Variants in LRRIQ1 observed in about 807,000 individuals in gnomAD.
LRRIQ1 encodes leucine-rich repeat- and IQ domain-containing protein 1.
A neutral mutation model predicts 211.9 loss-of-function variants in LRRIQ1; 210 were observed. That is an observed-to-expected ratio of 0.99 (90% CI 0.89 to 1.11). LRRIQ1 has a LOEUF of 1.11. Among genes scored for constraint, LRRIQ1 ranks in the 50% most tolerant of loss-of-function variants. The pLI is 0.00. For synonymous variants in LRRIQ1, 699 were observed against 650.1 expected, an observed-to-expected ratio of 1.08 and a Z score of -1.14; for missense variants, 2,136 against 1,939.5, an observed-to-expected ratio of 1.10 and a Z score of -1.90.
chr12:85,258,279 T>C (rs773826315), intron 1 of LRRIQ1, among the ~76,000 whole-genome samples: 23 of 151,856 alleles, frequency 1.5e-4, no homozygotes, highest in Non-Finnish European at 2.7e-4. Flanking sequence ...TAAGTGATTT[T>C]CGTATTTATA....
chr12:85,262,076 C>G (rs1169804294), intron 1 of LRRIQ1, among the ~76,000 whole-genome samples: 1 of 152,330 alleles, frequency 6.6e-6, no homozygotes, highest in Middle Eastern at 3.4e-3. Context: ...GCGTAAGCCA[C>G]TGCGCCAGGC....
At chr12:85,198,900 G>A (rs193276972) in intron 24 of LRRIQ1, among the ~76,000 whole-genome samples, 3 of 152,188 alleles carry the variant, frequency 2.0e-5, no homozygotes, top group East Asian at 1.9e-4. Context: ...TTTGTTGGCC[G>A]AATGTATGTC....
At chr12:85,180,201 T>A (rs1007127873) in intron 24 of LRRIQ1, among the ~76,000 whole-genome samples, 3 of 151,968 alleles carry the variant, frequency 2.0e-5, no homozygotes, top group African/African-American at 7.2e-5. Flanking sequence ...CATTTCCTAC[T>A]GAAGTTCAAC....
intron 10 of LRRIQ1, among the ~76,000 whole-genome samples, chr12:85,069,704 T>G (rs996850203): frequency 6.6e-6 from 1 of 152,166 alleles, no homozygotes; most frequent in African/African-American, 2.4e-5. Flanking sequence ...ATGATGAACA[T>G]TTTTTCATGT....
chr12:85,111,968 ACT>A (rs67500865), intron 15 of LRRIQ1, among the ~76,000 whole-genome samples: 227 of 149,672 alleles, frequency 1.5e-3, no homozygotes, highest in African/African-American at 3.5e-3. Context: ...ACACACACAC[ACT>A]CTCTCTCTCA....
At chr12:85,241,193 T>C (rs1895442355) in intron 26 of LRRIQ1, among the ~76,000 whole-genome samples, 1 of 151,978 alleles carries the variant, frequency 6.6e-6, no homozygotes, top group Admixed American at 6.6e-5. Flanking sequence ...AGGGAACTCA[T>C]TGCTATATTT....
In LRRIQ1 at chr12:85,056,038, T is replaced by A; in HGVS notation, c.1245T>A (p.Ile415=). 1.9e-6 allele frequency: 3 copies of A among 1,600,546 alleles called. No individual in the cohort carries two copies. The highest frequency in any genetic ancestry group is 2.3e-5 in the South Asian group (2 of 87,374). The change falls in exon 8 of 27, where the codon ATT becomes ATA. Residue 415 remains isoleucine, a synonymous_variant. Transcript: ENST00000393217. Reference sequence around the variant, plus strand: ...ACAAACATTTAAGTCTTGAAGATATTTCAAATGATAAGGGTGATATAGCCA... The same window carrying A: ...ACAAACATTTAAGTCTTGAAGATATATCAAATGATAAGGGTGATATAGCCA... ...YNNKHLSLED[I]SNDKGDIAKN...
Position 85,153,046 on chromosome 12 carries a change from A to T in LRRIQ1, c.4442A>T (p.Asp1481Val). ...AAGATTCCTGGAAACTTAAAATGGG[A>T]TGATACTTCATTTAATTTACCAAGT... ...WPKIPGNLKW[D>V]DTSFNLPSNP... The change falls in exon 21 of 27, where the codon GAT (aspartate) becomes GTT (valine). Residue 1481 changes from aspartate to valine, a missense_variant. Coordinates refer to ENST00000393217, the MANE Select transcript of LRRIQ1 (RefSeq NM_001079910.2). 1.3e-6 allele frequency: 2 copies of T among 1,568,048 alleles called. No homozygotes were observed. The highest frequency in any genetic ancestry group is 1.2e-5 in the South Asian group (1 of 84,496).
intron 24 of LRRIQ1, among the ~76,000 whole-genome samples, chr12:85,200,341 T>C (rs562252011): frequency 6.6e-6 from 1 of 152,280 alleles, no homozygotes; most frequent in South Asian, 2.1e-4. Flanking sequence ...TTTGCTGAAG[T>C]TGTTTATCAG....
At chr12:85,037,940 G>A (rs1382990248) in intron 1 of LRRIQ1, among the ~76,000 whole-genome samples, 1 of 151,626 alleles carries the variant, frequency 6.6e-6, no homozygotes, top group Admixed American at 6.6e-5. Flanking sequence ...AAATCAATAA[G>A]AGTATTAGCG....
chr12:85,095,315 T>TA (rs1184895668), intron 11 of LRRIQ1, among the ~76,000 whole-genome samples: 2 of 152,192 alleles, frequency 1.3e-5, no homozygotes, highest in East Asian at 3.9e-4. Flanking sequence ...TGAGAGTTTT[T>TA]ATCATTAACG....
chr12:85,060,248 G>A (rs377449144), intron 8 of LRRIQ1, among the ~76,000 whole-genome samples: 4 of 151,792 alleles, frequency 2.6e-5, no homozygotes, highest in African/African-American at 7.3e-5. Context: ...TTAATAGCCC[G>A]TTTCATCAAA....
chr12:85,154,133 G>A (rs1890408555), intron 23 of LRRIQ1, 39 bp downstream of exon 23: 1 of 1,084,322 alleles, frequency 9.2e-7, no homozygotes, highest in Non-Finnish European at 1.3e-6. Flanking sequence ...ACTGTGTATG[G>A]AAAATTGAAG....
At chr12:85,146,774 A>G (rs1183060569) in intron 19 of LRRIQ1, among the ~76,000 whole-genome samples, 2 of 151,788 alleles carry the variant, frequency 1.3e-5, no homozygotes, top group Non-Finnish European at 2.9e-5. Flanking sequence ...TTTATAAACC[A>G]TAACTAAGAT....
chr12:85,224,791 G>C (rs1281876743), intron 24 of LRRIQ1, among the ~76,000 whole-genome samples: 1 of 151,906 alleles, frequency 6.6e-6, no homozygotes, highest in Non-Finnish European at 1.5e-5. Flanking sequence ...TGTAGATGAT[G>C]AGTTGATGGG....
intron 24 of LRRIQ1, among the ~76,000 whole-genome samples, chr12:85,190,969 C>G (rs972803688): frequency 1.9e-4 from 29 of 151,862 alleles, no homozygotes; most frequent in African/African-American, 7.0e-4. Flanking sequence ...GTGTGGTGAG[C>G]TAAATGTTCA....
chr12:85,208,502 A>G (rs917400680), intron 24 of LRRIQ1, among the ~76,000 whole-genome samples: 1 of 152,180 alleles, frequency 6.6e-6, no homozygotes, highest in African/African-American at 2.4e-5. Flanking sequence ...ATAGAAATAC[A>G]AACTACAAAA....
chr12:85,065,369 G>C lies in LRRIQ1; in HGVS notation c.2499G>C (p.Leu833Phe), dbSNP rs556087202. 25 of 1,610,370 alleles carry C rather than the reference G, an allele frequency of 1.6e-5. No individual in the cohort carries two copies. Among genetic ancestry groups the C allele is most frequent in the Non-Finnish European group, 1.9e-5 (22 of 1,177,628 alleles). ...TTCGACGCTGTGGATTAACTTCTTTGCACAGCCTGAGTAATTGTAAAAAAC... is the reference window on the plus strand; with the variant it reads ...TTCGACGCTGTGGATTAACTTCTTTCCACAGCCTGAGTAATTGTAAAAAAC... ...LSLRRCGLTS[L>F]HSLSNCKKLK... Residue 833 changes from leucine (L) to phenylalanine (F), a missense_variant, in exon 9 of 27, where the codon TTG becomes TTC. Physicochemically the swap from Leu to Phe is conservative, Grantham distance 22. Transcript: ENST00000393217.
chr12:85,036,942 C>A (rs774663282), intron 1 of LRRIQ1, among the ~76,000 whole-genome samples: 2 of 152,088 alleles, frequency 1.3e-5, no homozygotes, highest in Non-Finnish European at 2.9e-5. Context: ...CATGACTGCA[C>A]GTCATATACA....
Sources: allele counts gnomAD v4.1 joint callset (sites outside exome capture counted in the v4.1 genomes callset), GRCh38; gene constraint gnomAD v4.1.1; transcripts MANE v1.5; gene names NCBI Gene and HGNC (gene_info 2026-07-23, HGNC 2026-07-21).